FAM120AOS: variants seen among roughly 807,000 people sequenced by gnomAD.
FAM120AOS encodes the protein uncharacterized protein FAM120AOS.
A neutral mutation model predicts 20.2 loss-of-function variants in FAM120AOS; 15 were observed. The observed-to-expected ratio is 0.74, with a 90% CI of 0.50 to 1.15. The LOEUF (loss-of-function observed/expected upper bound fraction) is 1.15. FAM120AOS is among the 50% of genes most tolerant of loss of function. FAM120AOS has a pLI of 0.00. For missense variants in FAM120AOS, 327 were observed against 351.9 expected, an observed-to-expected ratio of 0.93 and a Z score of 0.57; for synonymous variants, 154 against 154.0, an observed-to-expected ratio of 1.00 and a Z score of 0.00.
intron 1 of FAM120AOS, chr9:93,451,364 CGG>C: frequency 7.0e-7 from 1 of 1,418,744 alleles, no homozygotes; most frequent in Non-Finnish European, 9.2e-7. Flanking sequence ...CGAGAACCAC[CGG>C]GCGGAGGCGG....
At chr9:93,450,924 C>G in intron 1 of FAM120AOS, 1 of 1,219,510 alleles carries the variant, frequency 8.2e-7, no homozygotes. Flanking sequence ...GTAACGCAGG[C>G]TTTCCCACGC....
intron 1 of FAM120AOS, 198 bp from the exon 2 acceptor site, chr9:93,450,797 T>C: frequency 1.0e-6 from 1 of 983,820 alleles, no homozygotes; most frequent in Non-Finnish European, 1.6e-6. Flanking sequence ...AGAATTTACG[T>C]AAACGACCTC....
intron 1 of FAM120AOS, chr9:93,451,856 C>T (rs1857234916): frequency 1.0e-6 from 1 of 998,992 alleles, no homozygotes. Context: ...CGCCACGGCC[C>T]CACCACCCCC....
chr9:93,451,714 G>GGCGGCA (rs1365501056), intron 1 of FAM120AOS: 5 of 982,898 alleles, frequency 5.1e-6, no homozygotes, highest in East Asian at 2.3e-4. Context: ...CAGCGGCGGC[G>GGCGGCA]GCGGCAGGTC....
At position 93,453,271 on chromosome 9, in the gene FAM120AOS, C is replaced by T. The variant is rs780500778; in HGVS notation, c.-562G>A. 3.3e-4 allele frequency: 325 copies of T among 989,786 alleles called. No individual in the cohort carries two copies. Among genetic ancestry groups the T allele is most frequent in the Non-Finnish European group, 3.6e-4 (299 of 833,030 alleles). 61.3% of individuals were successfully genotyped at this position (989,786 alleles called of 1,614,324 possible). ...GGTGGGTAATCAGAGCTCTATATCA[C>T]CGGCCTCCTCTGGCCCTTTGGCAGA... On this transcript the variant is annotated 5_prime_UTR_variant, in exon 1 of 3. In the 5' UTR this introduces an upstream ATG that the reference lacks. Coordinates refer to ENST00000375412, the MANE Select transcript of FAM120AOS (RefSeq NM_198841.4).
In FAM120AOS at chr9:93,445,283, G is replaced by A. The variant is rs955741365; in HGVS notation, c.*2328C>T. 7.1e-6 allele frequency among the ~76,000 whole-genome samples: 1 copy of A among 141,434 alleles called. No individual in the cohort carries two copies. Among genetic ancestry groups the A allele is most frequent in the African/African-American group, 2.9e-5 (1 of 34,140 alleles). The allele number at this position is 141,434 out of a possible 152,430, so 92.8% of individuals were successfully genotyped here. On this transcript the variant is annotated 3_prime_UTR_variant, in exon 3 of 3. Transcript: ENST00000375412. Reference sequence around the variant, plus strand: ...GTATATATTCATCCCTGAAAGGTCTGAGAAAAAATAAAAAAAAATTGTGTA... The same window carrying A: ...GTATATATTCATCCCTGAAAGGTCTAAGAAAAAATAAAAAAAAATTGTGTA...
In FAM120AOS at chr9:93,452,470, C is replaced by T; in HGVS notation, c.240G>A (p.Arg80=). The change falls in exon 1 of 3, where the codon CGG becomes CGA. Residue 80 remains arginine (R), a synonymous_variant. Coordinates refer to ENST00000375412, the MANE Select transcript of FAM120AOS (RefSeq NM_198841.4). This position sits in a 1 kb window ranked among gnomAD's most constrained non-coding sequence, Gnocchi z 7.0. ...GTRCPQRRHG[R]ATFCALGRGI... is the part of the protein sequence containing the mutation. ...CCCTTCCCAGGGCGCAGAATGTCGC[C>T]CGGCCGTGGCGGCGCTGGGGGCAGC... The T allele has an allele frequency of 6.5e-7, 1 of 1,545,544 alleles. No individual in the cohort carries two copies. Among genetic ancestry groups the T allele is most frequent in the Non-Finnish European group, 8.7e-7 (1 of 1,149,308 alleles).
In FAM120AOS at chr9:93,443,658, C is replaced by T. The variant is rs76637247; in HGVS notation, c.*3953G>A. Reference sequence around the variant, plus strand: ...TGCCTTCTGTTTGGTGGTGGTGGTCCGAGTGTCAGTTCAGAGTGTGGCTGT... The same window carrying T: ...TGCCTTCTGTTTGGTGGTGGTGGTCTGAGTGTCAGTTCAGAGTGTGGCTGT... On this transcript the variant is annotated 3_prime_UTR_variant, in exon 3 of 3. Transcript: ENST00000375412. Among the ~76,000 whole-genome samples the T allele has an allele frequency of 6.5e-4, 99 of 152,226 alleles. 1 individual carries two copies. In the East Asian group the frequency reaches 0.018, roughly 28 times the overall value.
intron 1 of FAM120AOS, chr9:93,451,473 C>T (rs1857187000): frequency 9.1e-7 from 1 of 1,099,062 alleles, no homozygotes; most frequent in Non-Finnish European, 1.1e-6. Flanking sequence ...CCAGGCGCTG[C>T]CTGCTCCGGC....
chr9:93,453,446 T>C lies in FAM120AOS; in HGVS notation c.-737A>G, dbSNP rs1378860538. 1 of 985,376 alleles carries C rather than the reference T, an allele frequency of 1.0e-6. No individual in the cohort carries two copies. The highest frequency in any genetic ancestry group is 1.2e-6 in the Non-Finnish European group (1 of 829,954). The allele number at this position is 985,376 out of a possible 1,614,324, so 61.0% of individuals were successfully genotyped here. A position where few individuals can be genotyped will look rare whatever the true frequency, so the allele number is the denominator to read the frequency against. ...AAAACAAATTTTGGGGGCCTTTTTGTTGTCTTAGCTCTTGACACTCGGTCT... is the reference window on the plus strand; with the variant it reads ...AAAACAAATTTTGGGGGCCTTTTTGCTGTCTTAGCTCTTGACACTCGGTCT... On this transcript the variant is annotated 5_prime_UTR_variant, in exon 1 of 3. Coordinates refer to ENST00000375412, the MANE Select transcript of FAM120AOS (RefSeq NM_198841.4).
rs1856796600 is a variant in FAM120AOS at position 93,444,901 on chromosome 9, A to G, written c.*2710T>C. On this transcript the variant is annotated 3_prime_UTR_variant, in exon 3 of 3. Transcript: ENST00000375412. Reference sequence around the variant, plus strand: ...AGTGCTGGGATTACAGGAATGAGCCACTGCACCCGGCCAGTTCTGCATTTC... The same window carrying G: ...AGTGCTGGGATTACAGGAATGAGCCGCTGCACCCGGCCAGTTCTGCATTTC... Among the ~76,000 whole-genome samples the G allele has an allele frequency of 6.6e-6, 1 of 152,214 alleles. No homozygotes were observed. The highest frequency in any genetic ancestry group is 6.5e-5 in the Admixed American group (1 of 15,274).
At chr9:93,451,174 CGCAGTCAGTGTGG>C (rs986504241) in intron 1 of FAM120AOS, 1 of 1,549,974 alleles carries the variant, frequency 6.5e-7, no homozygotes, top group African/African-American at 1.4e-5. Flanking sequence ...TCCCGGACCC[CGCAGTCAGTGTGG>C]GCAGCAGGCC....
chr9:93,450,392 T>C, intron 2 of FAM120AOS, 87 bp downstream of exon 2: 1 of 1,489,652 alleles, frequency 6.7e-7, no homozygotes, highest in South Asian at 1.4e-5. Context: ...CTTCCTAAAA[T>C]ACCAGCAGCA....
intron 2 of FAM120AOS, among the ~76,000 whole-genome samples, chr9:93,449,259 C>A (rs1856983216): frequency 6.6e-6 from 1 of 152,086 alleles, no homozygotes; most frequent in African/African-American, 2.4e-5. Context: ...TGTTGTGTGG[C>A]AGGCACACAG....
At chr9:93,449,536 C>T (rs1442461443) in intron 2 of FAM120AOS, among the ~76,000 whole-genome samples, 1 of 116,848 alleles carries the variant, frequency 8.6e-6, no homozygotes, top group Non-Finnish European at 1.6e-5. Context: ...CGCTCTGTTG[C>T]CAGTCTGGAG....
Position 93,447,670 on chromosome 9 carries a change from T to C in FAM120AOS, c.712A>G (p.Lys238Glu), listed in dbSNP as rs1564290896. 1.2e-6 allele frequency: 2 copies of C among 1,613,874 alleles called. No individual in the cohort carries two copies. The highest frequency in any genetic ancestry group is 1.7e-6 in the Non-Finnish European group (2 of 1,179,818). Residue 238 changes from lysine to glutamate, a missense_variant, in exon 3 of 3, where the codon AAA becomes GAA. Physicochemically the swap from Lys to Glu is moderately conservative, Grantham distance 56. This residue lies in a region of FAM120AOS where 86 missense variants were observed against 82.9 expected (regional missense o/e 1.04). Transcript: ENST00000375412. ...GGTTTTGTGGTTTTCTTTGAGACTT[T>C]GTTATTGACAGAACAGCTTCTGGAA... ...KISRSCSVNN[K>E]VSKKTTKPPT...
chr9:93,450,716 G>C, intron 1 of FAM120AOS, 117 bp from the exon 2 acceptor site: 1 of 1,472,842 alleles, frequency 6.8e-7, no homozygotes, highest in Non-Finnish European at 9.3e-7. Flanking sequence ...TTTTGAAAAT[G>C]TTTTATGCAA....
rs544148910 is a variant in FAM120AOS, at chr9:93,443,909, C to T, written c.*3702G>A. Among the ~76,000 whole-genome samples the T allele has an allele frequency of 2.6e-5, 4 of 152,294 alleles. No homozygotes were observed. Among genetic ancestry groups the T allele is most frequent in the Admixed American group, 1.3e-4 (2 of 15,300 alleles). On this transcript the variant is annotated 3_prime_UTR_variant, in exon 3 of 3. Coordinates refer to ENST00000375412, the MANE Select transcript of FAM120AOS (RefSeq NM_198841.4). ...TGCCTGCTCATTTTGCCAAAAGGAA[C>T]GCCCCTCAGGCAGAAAGCAGAGAGA...
At chr9:93,450,923 GCTTTC>G in intron 1 of FAM120AOS, 1 of 1,200,752 alleles carries the variant, frequency 8.3e-7, no homozygotes, top group East Asian at 2.5e-5. Flanking sequence ...GGTAACGCAG[GCTTTC>G]CCACGCTGCA....
Sources: allele counts gnomAD v4.1 joint callset (sites outside exome capture counted in the v4.1 genomes callset), GRCh38; gene constraint gnomAD v4.1.1; regional missense constraint gnomAD v4.1.1; non-coding constraint Gnocchi (gnomAD v3.1); transcripts MANE v1.5; gene names NCBI Gene and HGNC (gene_info 2026-07-23, HGNC 2026-07-21).